Variants in RIMBP2 observed in about 807,000 individuals in gnomAD.
The protein encoded by RIMBP2 is RIMS-binding protein 2.
A neutral mutation model predicts 118.6 loss-of-function variants in RIMBP2; 48 were observed. The ratio of observed to expected loss-of-function variants is 0.40; its 90% CI spans 0.32 to 0.51. The LOEUF (loss-of-function observed/expected upper bound fraction) is 0.51, where lower values mean the gene tolerates loss of function less well. Among genes scored for constraint, RIMBP2 ranks in the 20% least tolerant of loss-of-function variants. RIMBP2 has a pLI of 0.41. For synonymous variants in RIMBP2, 762 were observed against 742.9 expected (o/e 1.03, Z -0.42); for missense variants, 1,551 against 1,768.3 (o/e 0.88, Z 2.20).
intron 21 of RIMBP2, among the ~76,000 whole-genome samples, chr12:130,404,883 ACTCTAAGTATTAAATT>A (rs765355238): frequency 1.6e-4 from 24 of 152,052 alleles, no homozygotes; most frequent in Non-Finnish European, 3.1e-4. Flanking sequence ...GTCCATAAAT[ACTCTAAGTATTAAATT>A]CCTATTTACA....
rs114831730 is a variant in RIMBP2, at chr12:130,594,952, G to A, written c.-217+33370C>T. Among the ~76,000 whole-genome samples the A allele has an allele frequency of 3.2e-3, 481 of 152,312 alleles. 4 individuals are homozygous for A. The highest frequency in any genetic ancestry group is 0.011 in the African/African-American group (463 of 41,566). On this transcript the variant is annotated intron_variant, in intron 2 of 22. Transcript: ENST00000690449. ...ATGAAACACAGCAATGGTAATTATTGTAATGGTGGCTGCTCACATTTGCTA... is the reference window on the plus strand; with the variant it reads ...ATGAAACACAGCAATGGTAATTATTATAATGGTGGCTGCTCACATTTGCTA...
intron 2 of RIMBP2, among the ~76,000 whole-genome samples, chr12:130,624,990 TGA>T (rs2061538388): frequency 6.6e-6 from 1 of 152,232 alleles, no homozygotes; most frequent in African/African-American, 2.4e-5. Flanking sequence ...CCCAAAGTGC[TGA>T]GATTACAGGC....
In RIMBP2 at chr12:130,424,249, C is replaced by T. The variant is rs551358092; in HGVS notation, c.3022G>A (p.Glu1008Lys). Residue 1008 changes from glutamate (E) to lysine (K), a missense_variant, in exon 16 of 23, where the codon GAG (glutamate) becomes AAG (lysine). This residue lies in a region of RIMBP2 where 1,038 missense variants were observed against 1,125.1 expected (regional missense o/e 0.92). Coordinates refer to ENST00000690449, the MANE Select transcript of RIMBP2 (RefSeq NM_001393629.1). This position sits in a 1 kb window ranked among gnomAD's most constrained non-coding sequence, Gnocchi z 9.8. ...CAGACACCCCGAAAATCTTGGTGCT[C>T]GGTGGGCTCGCCCCAGCCGTGCTTC... ...PRKHGWGEPTEHQDFRGVWKK... is the reference protein window; with the variant it reads ...PRKHGWGEPTKHQDFRGVWKK... 81 of 1,231,878 alleles carry T rather than the reference C, an allele frequency of 6.6e-5. No homozygotes were observed. The highest frequency in any genetic ancestry group is 5.1e-4 in the Admixed American group (12 of 23,712). The allele number at this position is 1,231,878 out of a possible 1,614,324, so 76.3% of individuals were successfully genotyped here.
intron 1 of RIMBP2, among the ~76,000 whole-genome samples, chr12:130,687,819 T>C (rs2065128686): frequency 6.6e-6 from 1 of 152,214 alleles, no homozygotes; most frequent in South Asian, 2.1e-4. Context: ...ATTCATTGAT[T>C]TGCAAATGTT....
At chr12:130,613,872 C>T (rs1345038266) in intron 2 of RIMBP2, among the ~76,000 whole-genome samples, 2 of 151,674 alleles carry the variant, frequency 1.3e-5, no homozygotes, top group African/African-American at 4.8e-5. Context: ...CGGCCTTTTC[C>T]GTTCTTCCTG....
rs1356513022 is a variant in RIMBP2, at chr12:130,710,939, G to A, written c.-352+5283C>T. Among the ~76,000 whole-genome samples, 1 of 152,216 alleles carries A rather than the reference G, an allele frequency of 6.6e-6. No individual in the cohort carries two copies. The highest frequency in any genetic ancestry group is 2.4e-5 in the African/African-American group (1 of 41,458). On this transcript the variant is annotated intron_variant, in intron 1 of 22. Coordinates refer to ENST00000690449, the MANE Select transcript of RIMBP2 (RefSeq NM_001393629.1). The surrounding 1 kb of genome is among the most constrained non-coding windows in gnomAD (Gnocchi z 4.3). ...AGCCACCTCCCTTTCTCGTGTAGGT[G>A]AGCATTAAGAAGAGGCTATCTGACC...
chr12:130,614,164 G>C (rs1389713959), intron 2 of RIMBP2, among the ~76,000 whole-genome samples: 2 of 152,238 alleles, frequency 1.3e-5, no homozygotes, highest in Non-Finnish European at 2.9e-5. Context: ...CGTATACTAT[G>C]TGACTGGAAG....
intron 21 of RIMBP2, among the ~76,000 whole-genome samples, chr12:130,400,141 G>T (rs969320487): frequency 1.3e-5 from 2 of 152,114 alleles, no homozygotes; most frequent in African/African-American, 4.8e-5. Flanking sequence ...TGGTTCTCGG[G>T]CCTGGCTGAT....
intron 2 of RIMBP2, among the ~76,000 whole-genome samples, chr12:130,547,213 A>T (rs1238694831): frequency 1.3e-5 from 2 of 152,190 alleles, no homozygotes; most frequent in African/African-American, 4.8e-5. Context: ...TTTAATATTG[A>T]AGACAACTAA....
At chr12:130,595,507 G>A (rs918841598) in intron 2 of RIMBP2, among the ~76,000 whole-genome samples, 8 of 152,120 alleles carry the variant, frequency 5.3e-5, no homozygotes, top group Non-Finnish European at 1.0e-4. Context: ...CCCAGATCAC[G>A]CCACAGCACT....
chr12:130,695,843 G>T (rs949336628), intron 1 of RIMBP2, among the ~76,000 whole-genome samples: 1 of 151,968 alleles, frequency 6.6e-6, no homozygotes, highest in Non-Finnish European at 1.5e-5. Context: ...GTTTAGAGAC[G>T]TCCAGATGTG....
At position 130,475,024 on chromosome 12, in the gene RIMBP2, G is replaced by A. The variant is rs1469802414; in HGVS notation, c.102+3888C>T. On this transcript the variant is annotated intron_variant, in intron 5 of 22. Transcript: ENST00000690449. This position sits in a 1 kb window ranked among gnomAD's most constrained non-coding sequence, Gnocchi z 4.1. ...AAGCACGCGTCTCCCGGGAGAGCCT[G>A]AGGTTACCAGCAGACAGCGTGGGTC... Among the ~76,000 whole-genome samples the A allele has an allele frequency of 6.6e-6, 1 of 152,190 alleles. No homozygotes were observed. Among genetic ancestry groups the A allele is most frequent in the Admixed American group, 6.5e-5 (1 of 15,284 alleles).
Position 130,450,192 on chromosome 12 carries a change from G to C in RIMBP2, c.581+8C>G. 6.3e-7 allele frequency: 1 copy of C among 1,594,170 alleles called. No individual in the cohort carries two copies. Among genetic ancestry groups the C allele is most frequent in the Non-Finnish European group, 8.6e-7 (1 of 1,167,244 alleles). ...GGGGCTCGGTGGACGCCGAGGGGCCGCACTTACCTATAGCGGGCAACACAG... is the reference window on the plus strand; with the variant it reads ...GGGGCTCGGTGGACGCCGAGGGGCCCCACTTACCTATAGCGGGCAACACAG... On this transcript the variant is annotated splice_region_variant and intron_variant, in intron 9 of 22. Transcript: ENST00000690449. The surrounding 1 kb of genome is among the most constrained non-coding windows in gnomAD (Gnocchi z 4.8).
chr12:130,552,938 G>A (rs1022366231), intron 2 of RIMBP2, among the ~76,000 whole-genome samples: 1 of 151,872 alleles, frequency 6.6e-6, no homozygotes, highest in Non-Finnish European at 1.5e-5. Flanking sequence ...GGATCACGAG[G>A]TCAGGAGATC....
At chr12:130,509,898 C>G (rs1157304374) in intron 3 of RIMBP2, among the ~76,000 whole-genome samples, 1 of 152,186 alleles carries the variant, frequency 6.6e-6, no homozygotes, top group East Asian at 1.9e-4. Flanking sequence ...CTCAGAGGCT[C>G]CCTACATAAG....
At chr12:130,559,313 C>T (rs774297824) in intron 2 of RIMBP2, among the ~76,000 whole-genome samples, 23 of 152,130 alleles carry the variant, frequency 1.5e-4, no homozygotes, top group Non-Finnish European at 2.5e-4. Flanking sequence ...CTCCCCACCC[C>T]CTACCCCATG....
intron 1 of RIMBP2, among the ~76,000 whole-genome samples, chr12:130,645,897 G>A (rs575176090): frequency 1.3e-5 from 2 of 152,242 alleles, no homozygotes; most frequent in Admixed American, 1.3e-4. Flanking sequence ...TAACTAAATG[G>A]ATTCATTAAA....
At chr12:130,579,638 T>A (rs1221755420) in intron 2 of RIMBP2, among the ~76,000 whole-genome samples, 1 of 151,862 alleles carries the variant, frequency 6.6e-6, no homozygotes, top group African/African-American at 2.4e-5. Flanking sequence ...CTGGAGGTGG[T>A]CTTAGGGACC....
At chr12:130,489,127 C>A (rs75972746) in intron 4 of RIMBP2, among the ~76,000 whole-genome samples, 2,223 of 152,330 alleles carry the variant, frequency 0.015, 65 homozygotes, top group African/African-American at 0.051. Flanking sequence ...CAATTAAATT[C>A]TTTCATGTCT....
Sources: allele counts gnomAD v4.1 joint callset (sites outside exome capture counted in the v4.1 genomes callset), GRCh38; gene constraint gnomAD v4.1.1; regional missense constraint gnomAD v4.1.1; non-coding constraint Gnocchi (gnomAD v3.1); transcripts MANE v1.5; gene names NCBI Gene and HGNC (gene_info 2026-07-23, HGNC 2026-07-21).